CSMD1: variants seen among roughly 807,000 people sequenced by gnomAD.
CSMD1 encodes the protein CUB and Sushi multiple domains 1.
CSMD1 carries 213 observed loss-of-function variants against 417.5 expected under a neutral mutation model. The ratio of observed to expected loss-of-function variants is 0.51; its 90% confidence interval spans 0.46 to 0.57. The LOEUF is 0.57. Among genes scored for constraint, CSMD1 ranks in the 20% least tolerant of loss-of-function variants. CSMD1 has a pLI of 0.00. For missense variants in CSMD1, 6,923 were observed against 4,529.7 expected, an observed-to-expected ratio of 1.53 and a Z score of -15.17; for synonymous variants, 2,862 against 1,736.8, an observed-to-expected ratio of 1.65 and a Z score of -16.11.
intron 49 of CSMD1, among the ~76,000 whole-genome samples, chr8:3,085,404 G>A (rs4875705): frequency 0.12 from 17,789 of 152,200 alleles, 1,349 homozygotes; most frequent in Non-Finnish European, 0.17. Flanking sequence ...GAACAAAGTC[G>A]TGTAAGTTAT....
Position 3,762,508 on chromosome 8 carries a change from G to C in CSMD1, c.819-8466C>G, listed in dbSNP as rs1015645957. ...TGCTTTGGTCAGATAGGCTGAGGTA[G>C]GATGTTTATATCCTCTGTGACTCAG... On this transcript the variant is annotated intron_variant, in intron 5 of 69. Coordinates refer to ENST00000635120, the MANE Select transcript of CSMD1 (RefSeq NM_033225.6). Among the ~76,000 whole-genome samples, 3 of 152,210 alleles carry C rather than the reference G, an allele frequency of 2.0e-5. No homozygotes were observed. In the East Asian group the frequency reaches 5.8e-4, roughly 29 times the overall value.
At chr8:4,699,196 T>C (rs966715766) in intron 1 of CSMD1, among the ~76,000 whole-genome samples, 76 of 152,336 alleles carry the variant, frequency 5.0e-4, no homozygotes, top group African/African-American at 1.7e-3. Flanking sequence ...CTGCTAAGTA[T>C]GTAAAGTTAA....
intron 12 of CSMD1, among the ~76,000 whole-genome samples, chr8:3,467,992 T>G (rs1294701479): frequency 1.3e-5 from 2 of 152,216 alleles, no homozygotes; most frequent in Non-Finnish European, 2.9e-5. Flanking sequence ...CATACACATC[T>G]ATCGGTTCAA....
chr8:2,953,694 G>C (rs1187943090), intron 65 of CSMD1, among the ~76,000 whole-genome samples: 1 of 152,182 alleles, frequency 6.6e-6, no homozygotes, highest in Non-Finnish European at 1.5e-5. Flanking sequence ...TTTGCGATTT[G>C]CTATATAATG....
intron 7 of CSMD1, among the ~76,000 whole-genome samples, chr8:3,663,450 T>A (rs982321675): frequency 1.3e-5 from 2 of 152,020 alleles, no homozygotes; most frequent in African/African-American, 4.8e-5. Flanking sequence ...GATTCAGACA[T>A]CGATTTGATA....
intron 6 of CSMD1, among the ~76,000 whole-genome samples, chr8:3,738,383 A>G (rs1378502214): frequency 6.6e-6 from 1 of 152,238 alleles, no homozygotes; most frequent in African/African-American, 2.4e-5. Flanking sequence ...ACAATTGTAC[A>G]TTCTTCTCAT....
chr8:4,824,733 A>G (rs1337058016), intron 1 of CSMD1, among the ~76,000 whole-genome samples: 2 of 152,190 alleles, frequency 1.3e-5, no homozygotes, highest in East Asian at 3.9e-4. Flanking sequence ...TACTTGGAAT[A>G]ACACTGCTGG....
chr8:3,457,715 G>C (rs1314065402), intron 12 of CSMD1, among the ~76,000 whole-genome samples: 1 of 152,020 alleles, frequency 6.6e-6, no homozygotes, highest in African/African-American at 2.4e-5. Flanking sequence ...AACTCGTAAA[G>C]GAAACAGAAA....
intron 54 of CSMD1, 76 bp downstream of exon 54, chr8:2,997,935 C>T: frequency 7.2e-7 from 1 of 1,387,304 alleles, no homozygotes; most frequent in Non-Finnish European, 9.8e-7. Flanking sequence ...TTCATGGAGA[C>T]AGGCTCTTGA....
chr8:3,774,149 A>G (rs1252249700), intron 5 of CSMD1, among the ~76,000 whole-genome samples: 1 of 152,168 alleles, frequency 6.6e-6, no homozygotes, highest in Non-Finnish European at 1.5e-5. Context: ...TACGCTGCAC[A>G]AAGTGTTATC....
intron 3 of CSMD1, among the ~76,000 whole-genome samples, chr8:4,090,428 G>A (rs1012881769): frequency 6.6e-5 from 10 of 150,602 alleles, no homozygotes; most frequent in South Asian, 2.1e-4. Context: ...TTGATTGGAC[G>A]TGTTTAATTT....
intron 3 of CSMD1, among the ~76,000 whole-genome samples, chr8:4,311,204 G>A (rs948948813): frequency 4.6e-5 from 7 of 152,154 alleles, no homozygotes; most frequent in Non-Finnish European, 7.3e-5. Context: ...GCACGTGAAT[G>A]TTCATTATAG....
At chr8:4,298,784 T>C (rs1797821870) in intron 3 of CSMD1, among the ~76,000 whole-genome samples, 1 of 152,068 alleles carries the variant, frequency 6.6e-6, no homozygotes, top group Admixed American at 6.6e-5. Context: ...TAAATTTATT[T>C]TGAAGAATGT....
chr8:4,522,639 A>C (rs1347420108), intron 2 of CSMD1, among the ~76,000 whole-genome samples: 1 of 152,142 alleles, frequency 6.6e-6, no homozygotes, highest in Non-Finnish European at 1.5e-5. Flanking sequence ...TTCTGACTAT[A>C]GGTTCGGATT....
chr8:3,707,985 A>G (rs921667582), intron 7 of CSMD1, among the ~76,000 whole-genome samples: 3 of 152,208 alleles, frequency 2.0e-5, no homozygotes, highest in African/African-American at 7.2e-5. Flanking sequence ...ACATTGCCCG[A>G]AAGCTACTTT....
At chr8:3,213,948 C>A (rs769685134) in intron 30 of CSMD1, among the ~76,000 whole-genome samples, 1 of 151,612 alleles carries the variant, frequency 6.6e-6, no homozygotes, top group Admixed American at 6.6e-5. Context: ...CAGGTTCAAG[C>A]GATTCTCCTG....
chr8:4,263,236 G>C (rs987796756), intron 3 of CSMD1, among the ~76,000 whole-genome samples: 4 of 152,020 alleles, frequency 2.6e-5, no homozygotes, highest in African/African-American at 9.7e-5. Context: ...GTTGGGTAAT[G>C]ATCTAAAAAA....
intron 1 of CSMD1, among the ~76,000 whole-genome samples, chr8:4,750,738 C>T (rs374642844): frequency 2.7e-5 from 4 of 150,030 alleles, no homozygotes; most frequent in South Asian, 2.1e-4. Context: ...CAGTAAATAC[C>T]GAATTACTTC....
rs568450837 is a variant in CSMD1, at chr8:3,215,548, C to A, written c.4673-857G>T. On this transcript the variant is annotated intron_variant, in intron 29 of 69. Transcript: ENST00000635120. Reference sequence around the variant, plus strand: ...CAAAGACCCCCTGCAGAGACCTGCCCACTTCTGGGGCCCCTCAATTAGGCA... The same window carrying A: ...CAAAGACCCCCTGCAGAGACCTGCCAACTTCTGGGGCCCCTCAATTAGGCA... Among the ~76,000 whole-genome samples the A allele has an allele frequency of 6.6e-5, 10 of 152,328 alleles. No individual in the cohort carries two copies. In the South Asian group the frequency reaches 2.1e-3, roughly 32 times the overall value.
Sources: gnomAD v4.1 joint callset for allele counts (sites outside exome capture counted in the v4.1 genomes callset) on GRCh38, gnomAD v4.1.1 for gene constraint, MANE v1.5 for transcripts, NCBI Gene and HGNC (gene_info 2026-07-23, HGNC 2026-07-21) for gene names.